AKAP8L: variants seen among roughly 807,000 people sequenced by gnomAD.
AKAP8L encodes the protein A-kinase anchoring protein 8 like.
A neutral mutation model predicts 77.5 loss-of-function variants in AKAP8L; 34 were observed. That is an observed-to-expected ratio of 0.44 (90% CI 0.33 to 0.58). The LOEUF (loss-of-function observed/expected upper bound fraction) is 0.58. Among genes scored for constraint, AKAP8L ranks in the 20% least tolerant of loss-of-function variants. The pLI, the probability that AKAP8L is intolerant of heterozygous loss-of-function variation, is 0.02. For synonymous variants in AKAP8L, 342 were observed against 340.7 expected (o/e 1.00, Z -0.04); for missense variants, 806 against 887.6 (o/e 0.91, Z 1.17).
Position 15,399,201 on chromosome 19 carries a change from G to A in AKAP8L, c.1157+101C>T, listed in dbSNP as rs1967837915. 1.8e-6 allele frequency: 2 copies of A among 1,086,180 alleles called. No individual in the cohort carries two copies. The highest frequency in any genetic ancestry group is 2.8e-6 in the Non-Finnish European group (2 of 722,306). The allele number at this position is 1,086,180 out of a possible 1,614,324, so 67.3% of individuals were successfully genotyped here. On this transcript the variant is annotated intron_variant, in intron 9 of 13. Coordinates refer to ENST00000397410, the MANE Select transcript of AKAP8L (RefSeq NM_014371.4). The surrounding 1 kb of genome is among the most constrained non-coding windows in gnomAD (Gnocchi z 6.1). ...CGGCCGAGCAGGTGGCGGCTCCCAA[G>A]GGAGGCCAGAGGGCGGCGAGCTGGC...
Position 15,398,686 on chromosome 19 carries a change from G to A in AKAP8L, c.1157+616C>T. 1.0e-6 allele frequency: 1 copy of A among 987,994 alleles called. No individual in the cohort carries two copies. The highest frequency in any genetic ancestry group is 1.2e-6 in the Non-Finnish European group (1 of 831,660). The allele number at this position is 987,994 out of a possible 1,614,324, so 61.2% of individuals were successfully genotyped here. On this transcript the variant is annotated intron_variant, in intron 9 of 13. Transcript: ENST00000397410. The surrounding 1 kb of genome is among the most constrained non-coding windows in gnomAD (Gnocchi z 9.2). The stretch of plus-strand genomic sequence containing the variant: ...GTCAGCTTTGTCTGGAGAGCCCAGG[G>A]GCCGGGCGCCGGCGAGGCTGAGGAA...
Position 15,398,209 on chromosome 19 carries a change from G to T in AKAP8L, c.1158-354C>A. The T allele has an allele frequency of 3.1e-6, 1 of 318,306 alleles. No homozygotes were observed. The highest frequency in any genetic ancestry group is 6.0e-6 in the Non-Finnish European group (1 of 166,394). The allele number at this position is 318,306 out of a possible 1,614,324, so 19.7% of individuals were successfully genotyped here. On this transcript the variant is annotated intron_variant, in intron 9 of 13. Transcript: ENST00000397410. This position sits in a 1 kb window ranked among gnomAD's most constrained non-coding sequence, Gnocchi z 9.2. ...GAGCGTGTGCACTTGGCCCAGGTGG[G>T]GACCGGAAGGAAGGATGCCCTGGCG...
chr19:15,386,547 G>C (rs928246457), intron 12 of AKAP8L, among the ~76,000 whole-genome samples: 1 of 152,130 alleles, frequency 6.6e-6, no homozygotes, highest in African/African-American at 2.4e-5. Context: ...CCCCAGCTTA[G>C]TGTGATGGAA....
chr19:15,415,818 G>A (rs952766862), intron 1 of AKAP8L, among the ~76,000 whole-genome samples: 3 of 151,738 alleles, frequency 2.0e-5, no homozygotes, highest in South Asian at 2.1e-4. Flanking sequence ...CCTGGGAGGC[G>A]GAGCTTGCAG....
At position 15,403,650 on chromosome 19, in the gene AKAP8L, T is replaced by C. The variant is rs756686133; in HGVS notation, c.187A>G (p.Met63Val). The C allele has an allele frequency of 1.2e-5, 19 of 1,613,410 alleles. No individual in the cohort carries two copies. Among genetic ancestry groups the C allele is most frequent in the Non-Finnish European group, 1.6e-5 (19 of 1,179,648 alleles). ...QDNTTNYGYG[M>V]ATSHSWEMPS... ...ATTTCCCAAGAGTGTGAAGTGGCCA[T>C]ACCATACCCATAGTTGGTGGTGTTA... The change falls in exon 4 of 14, where the codon ATG becomes GTG. Residue 63 changes from methionine (M) to valine (V), a missense_variant. Coordinates refer to ENST00000397410, the MANE Select transcript of AKAP8L (RefSeq NM_014371.4). The surrounding 1 kb of genome is among the most constrained non-coding windows in gnomAD (Gnocchi z 4.3).
chr19:15,399,715 G>A lies in AKAP8L; in HGVS notation c.1049-305C>T. 2.4e-6 allele frequency: 1 copy of A among 416,106 alleles called. No homozygotes were observed. Among genetic ancestry groups the A allele is most frequent in the Non-Finnish European group, 4.5e-6 (1 of 224,350 alleles). 25.8% of individuals were successfully genotyped at this position (416,106 alleles called of 1,614,324 possible). On this transcript the variant is annotated intron_variant, in intron 8 of 13. Transcript: ENST00000397410. The surrounding 1 kb of genome is among the most constrained non-coding windows in gnomAD (Gnocchi z 6.1). ...AGGGGGTATCTTTGTGGGGACACTG[G>A]CACATGTTCAGAGGGGCCAGGTGGT...
rs2145130377 is a variant in AKAP8L, at chr19:15,399,683, A to C, written c.1049-273T>G. The C allele has an allele frequency of 2.1e-6, 1 of 484,398 alleles. No homozygotes were observed. The highest frequency in any genetic ancestry group is 3.8e-5 in the East Asian group (1 of 26,136). 30.0% of individuals were successfully genotyped at this position (484,398 alleles called of 1,614,324 possible). On this transcript the variant is annotated intron_variant, in intron 8 of 13. Coordinates refer to ENST00000397410, the MANE Select transcript of AKAP8L (RefSeq NM_014371.4). This position sits in a 1 kb window ranked among gnomAD's most constrained non-coding sequence, Gnocchi z 6.1. ...GCAGTGGGCCAGGAGGAGGCTGGAAAGCAAAGAGGGGGTATCTTTGTGGGG... is the reference window on the plus strand; with the variant it reads ...GCAGTGGGCCAGGAGGAGGCTGGAACGCAAAGAGGGGGTATCTTTGTGGGG...
In AKAP8L at chr19:15,396,660, T is replaced by C. The variant is rs187622066; in HGVS notation, c.1536+490A>G. Among the ~76,000 whole-genome samples the C allele has an allele frequency of 7.9e-5, 12 of 152,172 alleles. 1 individual carries two copies. The East Asian group carries it at 2.3e-3, about 29-fold the overall frequency. On this transcript the variant is annotated intron_variant, in intron 12 of 13. Coordinates refer to ENST00000397410, the MANE Select transcript of AKAP8L (RefSeq NM_014371.4). ...TCCCCTTCACTCCCAAGGTGGGGTCTCCTCTTGTCTGGAGACTGCAGGAGC... is the reference window on the plus strand; with the variant it reads ...TCCCCTTCACTCCCAAGGTGGGGTCCCCTCTTGTCTGGAGACTGCAGGAGC...
At chr19:15,384,950 G>A (rs1464458599) in intron 12 of AKAP8L, among the ~76,000 whole-genome samples, 6 of 150,234 alleles carry the variant, frequency 4.0e-5, no homozygotes, top group Non-Finnish European at 8.9e-5. Context: ...AGCTCACTGC[G>A]AGCTCCGCCT....
intron 12 of AKAP8L, among the ~76,000 whole-genome samples, chr19:15,394,747 G>A (rs1967733861): frequency 6.6e-6 from 1 of 152,048 alleles, no homozygotes; most frequent in Non-Finnish European, 1.5e-5. Flanking sequence ...TGCGTGAATT[G>A]TACAGTATGT....
At chr19:15,416,402 G>A (rs1433554863) in intron 1 of AKAP8L, among the ~76,000 whole-genome samples, 1 of 152,110 alleles carries the variant, frequency 6.6e-6, no homozygotes, top group Non-Finnish European at 1.5e-5. Context: ...ATTCAGTCTG[G>A]AGAAAACCAG....
intron 1 of AKAP8L, among the ~76,000 whole-genome samples, chr19:15,415,022 A>G (rs1454274030): frequency 6.6e-6 from 1 of 152,104 alleles, no homozygotes. Flanking sequence ...TATGTTACCC[A>G]TGCTGGTGTT....
chr19:15,413,765 G>A (rs1214706627), intron 1 of AKAP8L, among the ~76,000 whole-genome samples: 1 of 152,192 alleles, frequency 6.6e-6, no homozygotes, highest in Non-Finnish European at 1.5e-5. Flanking sequence ...AATGGCCTCA[G>A]ACTTTAGGTA....
chr19:15,393,565 G>C (rs1967707657), intron 12 of AKAP8L, among the ~76,000 whole-genome samples: 3 of 152,066 alleles, frequency 2.0e-5, no homozygotes, highest in Non-Finnish European at 4.4e-5. Flanking sequence ...CAGTTATCAG[G>C]GCTACGCAAA....
At chr19:15,391,705 AT>A (rs1464732575) in intron 12 of AKAP8L, among the ~76,000 whole-genome samples, 13 of 150,860 alleles carry the variant, frequency 8.6e-5, no homozygotes, top group African/African-American at 2.9e-4. Context: ...CACCTGGCTA[AT>A]TTTTTGTATT....
Position 15,397,401 on chromosome 19 carries a change from G to A in AKAP8L, c.1405+119C>T. The A allele has an allele frequency of 3.3e-6, 5 of 1,496,220 alleles. No homozygotes were observed. The South Asian group carries it at 5.9e-5, about 18-fold the overall frequency. The allele number at this position is 1,496,220 out of a possible 1,614,324, so 92.7% of individuals were successfully genotyped here. On this transcript the variant is annotated intron_variant, in intron 11 of 13. Transcript: ENST00000397410. The surrounding 1 kb of genome is among the most constrained non-coding windows in gnomAD (Gnocchi z 4.7). Reference sequence around the variant, plus strand: ...CCCTGCCACTTCCACCTGGGCCTGAGCCAAGGCTGGTCTCCTGACCTTCCC... The same window carrying A: ...CCCTGCCACTTCCACCTGGGCCTGAACCAAGGCTGGTCTCCTGACCTTCCC...
intron 12 of AKAP8L, among the ~76,000 whole-genome samples, chr19:15,387,411 A>G (rs564660614): frequency 1.2e-3 from 183 of 152,220 alleles, no homozygotes; most frequent in Non-Finnish European, 2.3e-3. Context: ...AATGGAGACT[A>G]GGGAGGAAAA....
rs756965413 is a variant in AKAP8L, at chr19:15,380,628, A to G, written c.1537-16T>C. On this transcript the variant is annotated splice_polypyrimidine_tract_variant and intron_variant, in intron 12 of 13. Coordinates refer to ENST00000397410, the MANE Select transcript of AKAP8L (RefSeq NM_014371.4). ...CCATCATGAGCTGCGGGCAGGGCAG[A>G]AGGAGCTGGAGAGGCTGCTCTGAGT... 4.3e-6 allele frequency: 7 copies of G among 1,612,202 alleles called. No homozygotes were observed. The Admixed American group carries it at 8.3e-5, about 19-fold the overall frequency.
Position 15,398,066 on chromosome 19 carries a change from C to T in AKAP8L, c.1158-211G>A, listed in dbSNP as rs762878867. 3.4e-6 allele frequency: 2 copies of T among 589,636 alleles called. No individual in the cohort carries two copies. The highest frequency in any genetic ancestry group is 6.0e-6 in the Non-Finnish European group (2 of 334,976). The allele number at this position is 589,636 out of a possible 1,614,324, so 36.5% of individuals were successfully genotyped here. ...GCTGCAGTTACTGCAACGTAGGGGA[C>T]AGGGGAGGAGCTCTTCCTTCCCACA... On this transcript the variant is annotated intron_variant, in intron 9 of 13. Transcript: ENST00000397410. The surrounding 1 kb of genome is among the most constrained non-coding windows in gnomAD (Gnocchi z 9.2).
Sources: allele counts gnomAD v4.1 joint callset (sites outside exome capture counted in the v4.1 genomes callset), GRCh38; gene constraint gnomAD v4.1.1; non-coding constraint Gnocchi (gnomAD v3.1); transcripts MANE v1.5; gene names NCBI Gene and HGNC (gene_info 2026-07-23, HGNC 2026-07-21).